The following FNIP2 variants were observed in gnomAD, a reference collection of about 807,000 sequenced individuals.
The protein encoded by FNIP2 is folliculin interacting protein 2.
FNIP2 carries 32 observed loss-of-function variants against 108.7 expected under a neutral mutation model. The observed-to-expected ratio is 0.29, with a 90% confidence interval of 0.22 to 0.40. The LOEUF (loss-of-function observed/expected upper bound fraction) is 0.40, where lower values mean the gene tolerates loss of function less well. Among genes scored for constraint, FNIP2 ranks in the 10% least tolerant of loss-of-function variants. The probability of loss-of-function intolerance (pLI) is 1.00; values close to 1 mark genes in which losing one functional copy is unlikely to be tolerated. For missense variants in FNIP2, 1,202 were observed against 1,381.6 expected, an observed-to-expected ratio of 0.87 and a Z score of 2.06; for synonymous variants, 480 against 496.7, an observed-to-expected ratio of 0.97 and a Z score of 0.45.
chr4:158,851,487 AGTGTAGGC>A (rs774142599), intron 8 of FNIP2, 37 bp downstream of exon 8: 3 of 1,606,756 alleles, frequency 1.9e-6, no homozygotes, highest in Non-Finnish European at 2.6e-6. Flanking sequence ...GAAAAGTAGG[AGTGTAGGC>A]AGCTTGATGA....
chr4:158,868,583 T>G lies in FNIP2; in HGVS notation c.1947T>G (p.Cys649Trp). 6.2e-7 allele frequency: 1 copy of G among 1,613,404 alleles called. No individual in the cohort carries two copies. Among genetic ancestry groups the G allele is most frequent in the Non-Finnish European group, 8.5e-7 (1 of 1,179,652 alleles). The stretch of plus-strand genomic sequence containing the variant: ...CCTGGAAACCTCAGAATGCATTTTG[T>G]GGGGATGAGAAAAATAAAGAGGCAC... ...DASWKPQNAF[C>W]GDEKNKEAPQ... The change falls in exon 13 of 17, where the codon TGT becomes TGG. Residue 649 changes from cysteine to tryptophan, a missense_variant. Around this residue, in one of 5 missense-constraint regions of FNIP2, gnomAD observed 878 missense variants for 990.3 expected, o/e 0.89. Transcript: ENST00000264433. This position sits in a 1 kb window ranked among gnomAD's most constrained non-coding sequence, Gnocchi z 4.6.
At chr4:158,813,028 C>A (rs751953732) in intron 1 of FNIP2, among the ~76,000 whole-genome samples, 14 of 152,036 alleles carry the variant, frequency 9.2e-5, no homozygotes, top group Non-Finnish European at 1.5e-4. Flanking sequence ...CTTAGAAATA[C>A]ACATTCAAGG....
intron 15 of FNIP2, 26 bp from the exon 16 acceptor site, chr4:158,895,724 C>T (rs760600238): frequency 1.1e-5 from 15 of 1,425,070 alleles, no homozygotes; most frequent in East Asian, 2.3e-5. Context: ...TTCTAGCCCT[C>T]ATTGTGAATG....
intron 3 of FNIP2, among the ~76,000 whole-genome samples, chr4:158,830,190 G>T (rs576266230): frequency 2.0e-5 from 3 of 151,388 alleles, no homozygotes; most frequent in Non-Finnish European, 2.9e-5. Context: ...GAAGAAGTTG[G>T]TTTGAGCTAT....
chr4:158,813,137 CG>C (rs1329235499), intron 1 of FNIP2, among the ~76,000 whole-genome samples: 1 of 152,104 alleles, frequency 6.6e-6, no homozygotes, highest in African/African-American at 2.4e-5. Context: ...ATGTCTTGGT[CG>C]CTTCTATGTT....
chr4:158,864,936 T>G (rs531224849), intron 12 of FNIP2, among the ~76,000 whole-genome samples: 1 of 152,218 alleles, frequency 6.6e-6, no homozygotes, highest in East Asian at 1.9e-4. Context: ...GTTTCTTCTG[T>G]CTGTTCCTCT....
chr4:158,881,732 CG>C (rs1289163192), intron 14 of FNIP2, among the ~76,000 whole-genome samples: 2 of 151,448 alleles, frequency 1.3e-5, no homozygotes, highest in African/African-American at 4.9e-5. Context: ...GGATTGCAGA[CG>C]GAGTCTCGTT....
At chr4:158,820,922 AT>A (rs2126544200) in intron 1 of FNIP2, among the ~76,000 whole-genome samples, 1 of 152,336 alleles carries the variant, frequency 6.6e-6, no homozygotes. Context: ...AGGTATAGGA[AT>A]TAGGACTTGA....
chr4:158,893,973 T>TA (rs888331514), intron 15 of FNIP2, among the ~76,000 whole-genome samples: 15 of 151,850 alleles, frequency 9.9e-5, no homozygotes, highest in Admixed American at 2.6e-4. Context: ...AAATTCTCCT[T>TA]AAAAAAAATC....
Position 158,856,165 on chromosome 4 carries a change from G to GATTT in FNIP2, c.858-2891_858-2890insTTTA, listed in dbSNP as rs1244639087. 6.6e-5 allele frequency among the ~76,000 whole-genome samples: 10 copies of GATTT among 152,232 alleles called. No individual in the cohort carries two copies. In the East Asian group the frequency reaches 1.9e-3, roughly 29 times the overall value. On this transcript the variant is annotated intron_variant, in intron 8 of 16. Coordinates refer to ENST00000264433, the MANE Select transcript of FNIP2 (RefSeq NM_020840.3). ...TTACCGAGGCAATTGAAACCCTAAAGAGCAAGGTGTAATGTCCCAGGAAGC... is the reference window on the plus strand; with the variant it reads ...TTACCGAGGCAATTGAAACCCTAAAGATTTAGCAAGGTGTAATGTCCCAGGAAGC...
chr4:158,830,645 CTG>C (rs1212872991), intron 3 of FNIP2, among the ~76,000 whole-genome samples: 1 of 152,016 alleles, frequency 6.6e-6, no homozygotes, highest in African/African-American at 2.4e-5. Flanking sequence ...GCTTGTGTGT[CTG>C]TGTGTGTGTA....
At chr4:158,869,509 CACT>C (rs1780805897) in intron 13 of FNIP2, 81 bp downstream of exon 13, 16 of 1,446,868 alleles carry the variant, frequency 1.1e-5, no homozygotes, top group Non-Finnish European at 1.5e-5. Flanking sequence ...TGTTGTTAGC[CACT>C]ACTATTGTCT....
chr4:158,907,925 GT>G lies in FNIP2; in HGVS notation c.*3386del. ...CCATAAGAGAAATTGATAGGACTTC[GT>G]TTTTGATCAGTCTGAATAGATACCA... On this transcript the variant is annotated 3_prime_UTR_variant, in exon 17 of 17. Coordinates refer to ENST00000264433, the MANE Select transcript of FNIP2 (RefSeq NM_020840.3). The G allele has an allele frequency of 6.6e-6, 1 of 152,118 alleles. No homozygotes were observed. The highest frequency in any genetic ancestry group is 1.5e-5 in the Non-Finnish European group (1 of 68,034). 9.4% of individuals were successfully genotyped at this position (152,118 alleles called of 1,614,324 possible).
rs192495121 is a variant in FNIP2, at chr4:158,901,911, T to C, written c.3267-2555T>C. Among the ~76,000 whole-genome samples the C allele has an allele frequency of 5.6e-3, 853 of 152,158 alleles. 4 individuals are homozygous for C. The highest frequency in any genetic ancestry group is 7.7e-3 in the Non-Finnish European group (524 of 67,998). ...CTAACCTTTTTTCAAGGTTCTTAGC[T>C]TCCTTGCATTGGGTTAGAACATGCT... On this transcript the variant is annotated intron_variant, in intron 16 of 16. Coordinates refer to ENST00000264433, the MANE Select transcript of FNIP2 (RefSeq NM_020840.3).
At chr4:158,824,851 G>A (rs1221891483) in intron 1 of FNIP2, among the ~76,000 whole-genome samples, 1 of 151,946 alleles carries the variant, frequency 6.6e-6, no homozygotes, top group Non-Finnish European at 1.5e-5. Context: ...CTGTTCCTAT[G>A]GTGCGCATCA....
At chr4:158,867,167 G>A (rs1403717686) in intron 12 of FNIP2, among the ~76,000 whole-genome samples, 1 of 151,930 alleles carries the variant, frequency 6.6e-6, no homozygotes, top group Non-Finnish European at 1.5e-5. Flanking sequence ...ATAACTAATG[G>A]GACATACTTT....
intron 7 of FNIP2, 158 bp downstream of exon 7, chr4:158,835,634 G>A (rs891443148): frequency 1.7e-6 from 1 of 592,830 alleles, no homozygotes; most frequent in Non-Finnish European, 3.0e-6. Flanking sequence ...AAACTTTAAT[G>A]TACAGTATCC....
At chr4:158,803,927 C>T (rs1040861580) in intron 1 of FNIP2, among the ~76,000 whole-genome samples, 1 of 152,086 alleles carries the variant, frequency 6.6e-6, no homozygotes, top group African/African-American at 2.4e-5. Flanking sequence ...AGATTCATAT[C>T]ATAGTTTTTG....
At chr4:158,871,406 ATTT>A in intron 14 of FNIP2, 1 of 795,206 alleles carries the variant, frequency 1.3e-6, no homozygotes. Context: ...GCCAACAAGT[ATTT>A]TTTTTTTTGA....
Sources: allele counts gnomAD v4.1 joint callset (sites outside exome capture counted in the v4.1 genomes callset), GRCh38; gene constraint gnomAD v4.1.1; regional missense constraint gnomAD v4.1.1; non-coding constraint Gnocchi (gnomAD v3.1); transcripts MANE v1.5; gene names NCBI Gene and HGNC (gene_info 2026-07-23, HGNC 2026-07-21).